The following CDH23 variants were observed in gnomAD, a reference collection of about 807,000 sequenced individuals.
CDH23 encodes cadherin related 23, also known as cadherin-23.
Under a neutral mutation model 317.1 loss-of-function variants are expected in CDH23, and 189 were observed. The observed-to-expected ratio is 0.60, with a 90% CI of 0.53 to 0.67. CDH23 has a LOEUF of 0.67. Ranked by LOEUF, CDH23 falls within the 30% of genes least tolerant of loss-of-function variation. The pLI, the probability that CDH23 is intolerant of heterozygous loss-of-function variation, is 0.00. For synonymous variants in CDH23, 1,839 were observed against 1,876.8 expected (o/e 0.98, Z 0.52); for missense variants, 4,401 against 4,592.4 (o/e 0.96, Z 1.20).
intron 1 of CDH23, among the ~76,000 whole-genome samples, chr10:71,431,024 T>G (rs1849344899): frequency 6.6e-6 from 1 of 152,186 alleles, no homozygotes; most frequent in East Asian, 1.9e-4. Context: ...GGGGCCCATG[T>G]GCTAATATGA....
Position 71,705,005 on chromosome 10 carries a change from G to A in CDH23, c.2828G>A (p.Ser943Asn). The A allele has an allele frequency of 6.2e-7, 1 of 1,612,816 alleles. No homozygotes were observed. Among genetic ancestry groups the A allele is most frequent in the African/African-American group, 1.3e-5 (1 of 75,048 alleles). Residue 943 changes from serine to asparagine, a missense_variant, in exon 25 of 70, where the codon AGC (serine) becomes AAC (asparagine). Around this residue, in one of 3 missense-constraint regions of CDH23, gnomAD observed 3,068 missense variants for 3,203.3 expected, o/e 0.96. Transcript: ENST00000224721. ...CGCATGGACTTCCTCATCAACAGCAGCAGCGGCGTGGTGGTCACCACCACC... is the reference window on the plus strand; with the variant it reads ...CGCATGGACTTCCTCATCAACAGCAACAGCGGCGTGGTGGTCACCACCACC... ...MPRMDFLINS[S>N]SGVVVTTTEL...
At chr10:71,532,700 C>CTTTT (rs1855446648) in intron 6 of CDH23, among the ~76,000 whole-genome samples, 8 of 131,518 alleles carry the variant, frequency 6.1e-5, no homozygotes, top group African/African-American at 8.2e-5. Flanking sequence ...GGCAAGTTTT[C>CTTTT]TTTTGTTTTT....
intron 6 of CDH23, among the ~76,000 whole-genome samples, chr10:71,542,681 G>A (rs551153635): frequency 3.9e-5 from 6 of 152,340 alleles, no homozygotes; most frequent in African/African-American, 1.4e-4. Flanking sequence ...GATACCTGGC[G>A]TGAAATTGAA....
rs539852104 is a variant in CDH23 at position 71,675,116 on chromosome 10, C to G, written c.1454C>G (p.Thr485Ser). 6 of 1,613,924 alleles carry G rather than the reference C, an allele frequency of 3.7e-6. No homozygotes were observed. The East Asian group carries it at 1.3e-4, about 36-fold the overall frequency. ...TTCTTGTTCTCGCTGTTGCAGGCAA[C>G]TGACAATGATGCAGGCACCTTTGGG... The part of the protein sequence containing the change: ...VGTSVLTVLA[T>S]DNDAGTFGEV... The change falls in exon 15 of 70, where the codon ACT (threonine) becomes AGT (serine). Residue 485 changes from threonine to serine, a missense_variant. By Grantham distance (58) the Thr-to-Ser change is moderately conservative (BLOSUM62 1). Coordinates refer to ENST00000224721, the MANE Select transcript of CDH23 (RefSeq NM_022124.6).
At chr10:71,611,747 C>G (rs1160395440) in intron 9 of CDH23, among the ~76,000 whole-genome samples, 2 of 152,150 alleles carry the variant, frequency 1.3e-5, no homozygotes, top group Non-Finnish European at 2.9e-5. Flanking sequence ...TTCCGAATTG[C>G]TTTTCTTCAG....
chr10:71,527,846 A>G (rs1303086447), intron 6 of CDH23, among the ~76,000 whole-genome samples: 1 of 152,174 alleles, frequency 6.6e-6, no homozygotes, highest in Non-Finnish European at 1.5e-5. Flanking sequence ...GGACCCTTGC[A>G]TGTCACTTCC....
chr10:71,705,581 G>A (rs989152066), intron 25 of CDH23, among the ~76,000 whole-genome samples: 9 of 152,292 alleles, frequency 5.9e-5, no homozygotes, highest in African/African-American at 1.9e-4. Flanking sequence ...CAGTAGCAGG[G>A]CATCACCCTG....
chr10:71,681,907 G>A (rs1864668813), intron 17 of CDH23, among the ~76,000 whole-genome samples: 3 of 152,200 alleles, frequency 2.0e-5, no homozygotes, highest in Admixed American at 2.0e-4. Context: ...CCAGTGCTGG[G>A]CAACTTCTGG....
At chr10:71,564,590 C>T (rs895802028) in intron 6 of CDH23, among the ~76,000 whole-genome samples, 2 of 152,250 alleles carry the variant, frequency 1.3e-5, no homozygotes, top group Non-Finnish European at 2.9e-5. Context: ...GAGGCTTCCC[C>T]TCAGGACCAT....
At chr10:71,496,819 G>A (rs1852999956) in intron 3 of CDH23, among the ~76,000 whole-genome samples, 4 of 101,852 alleles carry the variant, frequency 3.9e-5, no homozygotes, top group Admixed American at 8.6e-5. Context: ...TGATGTATGT[G>A]GTCTGGTGTA....
chr10:71,752,367 G>A (rs1232199292), intron 38 of CDH23, among the ~76,000 whole-genome samples: 1 of 152,210 alleles, frequency 6.6e-6, no homozygotes, highest in Non-Finnish European at 1.5e-5. Flanking sequence ...AACCTGTCTT[G>A]AAGATCATCC....
chr10:71,746,864 C>G (rs559684052), intron 38 of CDH23, among the ~76,000 whole-genome samples: 1 of 152,360 alleles, frequency 6.6e-6, no homozygotes, highest in African/African-American at 2.4e-5. Context: ...TTCTGGTATG[C>G]AAGTCCCCAG....
intron 38 of CDH23, among the ~76,000 whole-genome samples, chr10:71,777,431 GC>G (rs538431518): frequency 1.0e-3 from 35 of 33,852 alleles, no homozygotes; most frequent in African/African-American, 5.8e-3. Flanking sequence ...AGTGATGTCT[GC>G]TGGGGGTCGC....
chr10:71,472,760 G>T (rs1173408430), intron 3 of CDH23, among the ~76,000 whole-genome samples: 1 of 152,228 alleles, frequency 6.6e-6, no homozygotes, highest in Non-Finnish European at 1.5e-5. Flanking sequence ...AAGGACTCCT[G>T]TGCTCTGTGC....
intron 3 of CDH23, among the ~76,000 whole-genome samples, chr10:71,498,148 A>G (rs1009359831): frequency 5.3e-5 from 8 of 152,210 alleles, no homozygotes; most frequent in African/African-American, 1.9e-4. Flanking sequence ...CAGAGACAGC[A>G]GCGATTTGCC....
chr10:71,793,613 G>C lies in CDH23; in HGVS notation c.6685G>C (p.Asp2229His). The C allele has an allele frequency of 6.2e-7, 1 of 1,600,994 alleles. No homozygotes were observed. Among genetic ancestry groups the C allele is most frequent in the Non-Finnish European group, 8.5e-7 (1 of 1,172,088 alleles). ...TGATCGCCTGGTGCCCAACCAGGAG[G>C]ACGCCTTTGCTGTGAATATCAACAC... ...DTDRLVPNQEDAFAVNINTGS... is the reference protein window; with the variant it reads ...DTDRLVPNQEHAFAVNINTGS... Residue 2229 changes from aspartate to histidine, a missense_variant, in exon 48 of 70, where the codon GAC (aspartate) becomes CAC (histidine). Transcript: ENST00000224721.
At chr10:71,665,806 C>T (rs904277281) in intron 14 of CDH23, among the ~76,000 whole-genome samples, 1 of 152,228 alleles carries the variant, frequency 6.6e-6, no homozygotes, top group Non-Finnish European at 1.5e-5. Context: ...TTGCACCTGG[C>T]CACAAATCCC....
chr10:71,628,496 A>G (rs1861853397), intron 11 of CDH23, among the ~76,000 whole-genome samples: 1 of 152,122 alleles, frequency 6.6e-6, no homozygotes, highest in African/African-American at 2.4e-5. Flanking sequence ...AGTAATTGAG[A>G]GTGAGATAAT....
At chr10:71,666,977 A>G (rs1000210457) in intron 14 of CDH23, among the ~76,000 whole-genome samples, 13 of 152,222 alleles carry the variant, frequency 8.5e-5, no homozygotes, top group African/African-American at 3.1e-4. Flanking sequence ...TGCTCCATCA[A>G]TCCTTATGAC....
Sources: gnomAD v4.1 joint callset for allele counts (sites outside exome capture counted in the v4.1 genomes callset) on GRCh38, gnomAD v4.1.1 for gene constraint, gnomAD v4.1.1 regional missense constraint, MANE v1.5 for transcripts, NCBI Gene and HGNC (gene_info 2026-07-23, HGNC 2026-07-21) for gene names.